Variants in AFG1L observed in about 807,000 individuals in gnomAD.
AFG1L encodes AFG1 like ATPase.
In AFG1L, 53 loss-of-function variants were observed where a neutral mutation model predicts 62.2. The observed-to-expected ratio is 0.85, with a 90% CI of 0.68 to 1.07. AFG1L has a LOEUF of 1.07. AFG1L is among the 50% of genes least tolerant of loss of function. AFG1L has a pLI of 0.00. For missense variants in AFG1L, 555 were observed against 590.5 expected (o/e 0.94, Z 0.62); for synonymous variants, 228 against 210.3 (o/e 1.08, Z -0.73).
chr6:108,439,373 G>A (rs1328316886), intron 7 of AFG1L, among the ~76,000 whole-genome samples: 4 of 152,176 alleles, frequency 2.6e-5, no homozygotes, highest in African/African-American at 9.6e-5. Context: ...GAGGGGACTT[G>A]TTAAACCATA....
intron 10 of AFG1L, among the ~76,000 whole-genome samples, chr6:108,484,850 T>C (rs1773462314): frequency 6.6e-6 from 1 of 152,234 alleles, no homozygotes; most frequent in South Asian, 2.1e-4. Context: ...GAGATTGGAC[T>C]GAGGGATCCA....
chr6:108,445,964 C>G (rs1362113684), intron 7 of AFG1L, among the ~76,000 whole-genome samples: 1 of 151,816 alleles, frequency 6.6e-6, no homozygotes, highest in African/African-American at 2.4e-5. Flanking sequence ...TTGCCACAAA[C>G]TTTCACTTTG....
At chr6:108,364,133 A>C (rs955774083) in intron 5 of AFG1L, among the ~76,000 whole-genome samples, 1 of 152,198 alleles carries the variant, frequency 6.6e-6, no homozygotes, top group African/African-American at 2.4e-5. Context: ...GGTGGTAATG[A>C]AATGCTGGGT....
chr6:108,447,127 A>C (rs1292852219), intron 7 of AFG1L, 87 bp from the exon 8 acceptor site: 5 of 555,016 alleles, frequency 9.0e-6, no homozygotes, highest in Non-Finnish European at 1.6e-5. Flanking sequence ...ACATTTGAAA[A>C]ATTTTAAAAA....
intron 7 of AFG1L, among the ~76,000 whole-genome samples, chr6:108,414,050 G>A (rs1782240077): frequency 6.6e-6 from 1 of 152,038 alleles, no homozygotes; most frequent in African/African-American, 2.4e-5. Context: ...AGAAAAGAGA[G>A]AAGAATCAAA....
At chr6:108,510,701 A>G (rs113782296) in intron 11 of AFG1L, among the ~76,000 whole-genome samples, 4,286 of 152,334 alleles carry the variant, frequency 0.028, 92 homozygotes, top group Middle Eastern at 0.088. Flanking sequence ...CGCTTCATCT[A>G]TCACGTTCTA....
In AFG1L at chr6:108,399,174, GTTTGTTTTTTTT is replaced by G. The variant is rs1371475722; in HGVS notation, c.749-2818_749-2807del. On this transcript the variant is annotated intron_variant, in intron 6 of 12. Transcript: ENST00000368977. ...ATTGCAAAGATCTGTCACTTCTTTT[GTTTGTTTTTTTT>G]TTTTTTTTTTTTTTTTTTTTGAGAC... Among the ~76,000 whole-genome samples the G allele has an allele frequency of 1.0e-3, 52 of 51,414 alleles. 1 individual carries two copies. Among genetic ancestry groups the G allele is most frequent in the African/African-American group, 4.3e-3 (51 of 11,950 alleles). 33.7% of individuals were successfully genotyped at this position (51,414 alleles called of 152,430 possible).
At chr6:108,517,710 A>G (rs1774958531) in intron 11 of AFG1L, among the ~76,000 whole-genome samples, 1 of 152,212 alleles carries the variant, frequency 6.6e-6, no homozygotes, top group Non-Finnish European at 1.5e-5. Flanking sequence ...ATCAGAGTGA[A>G]CAGGCAGCCT....
At chr6:108,509,258 C>G (rs562282275) in intron 10 of AFG1L, among the ~76,000 whole-genome samples, 2 of 152,256 alleles carry the variant, frequency 1.3e-5, no homozygotes, top group East Asian at 1.9e-4. Flanking sequence ...TATTGTGGAC[C>G]TTGAGTCCCA....
At chr6:108,481,822 A>G (rs1158133073) in intron 10 of AFG1L, among the ~76,000 whole-genome samples, 6 of 152,198 alleles carry the variant, frequency 3.9e-5, no homozygotes, top group Non-Finnish European at 7.4e-5. Flanking sequence ...ACTAGCCACT[A>G]TTTTCACAGA....
intron 5 of AFG1L, among the ~76,000 whole-genome samples, chr6:108,363,706 G>GA (rs886442696): frequency 7.5e-4 from 101 of 134,804 alleles, no homozygotes; most frequent in South Asian, 1.6e-3. Flanking sequence ...TATGGGTCCA[G>GA]AAAAAAAAAA....
chr6:108,329,960 A>G (rs1364897144), intron 2 of AFG1L, among the ~76,000 whole-genome samples: 1 of 152,026 alleles, frequency 6.6e-6, no homozygotes, highest in Admixed American at 6.6e-5. Context: ...TCGTGGAGTA[A>G]TGGGTTAATG....
chr6:108,358,337 T>C (rs78758781), intron 5 of AFG1L, among the ~76,000 whole-genome samples: 4,258 of 152,312 alleles, frequency 0.028, 198 homozygotes, highest in African/African-American at 0.098. Flanking sequence ...ACCTAGCCTT[T>C]GTAAAATGAT....
At chr6:108,492,810 A>T (rs949675887) in intron 10 of AFG1L, among the ~76,000 whole-genome samples, 2 of 152,054 alleles carry the variant, frequency 1.3e-5, no homozygotes, top group African/African-American at 2.4e-5. Flanking sequence ...GTTACAATAA[A>T]TTTTTTCTTT....
chr6:108,438,061 G>T (rs1771387777), intron 7 of AFG1L, among the ~76,000 whole-genome samples: 1 of 152,190 alleles, frequency 6.6e-6, no homozygotes. Context: ...TGTGCTTTTA[G>T]CTTCTGTCCT....
chr6:108,353,977 A>G (rs914561282), intron 3 of AFG1L, among the ~76,000 whole-genome samples: 1 of 152,150 alleles, frequency 6.6e-6, no homozygotes, highest in African/African-American at 2.4e-5. Context: ...AGATCTTCCT[A>G]CTTTCTGAAG....
chr6:108,509,347 T>C (rs187452094), intron 10 of AFG1L, among the ~76,000 whole-genome samples: 10 of 152,358 alleles, frequency 6.6e-5, no homozygotes. Flanking sequence ...ATTTAAGCCC[T>C]TCAGTATTTC....
chr6:108,410,038 G>C (rs1454871118), intron 7 of AFG1L, among the ~76,000 whole-genome samples: 1 of 152,130 alleles, frequency 6.6e-6, no homozygotes, highest in Non-Finnish European at 1.5e-5. Context: ...GGGCGCAGTG[G>C]CTCACACCTG....
chr6:108,492,746 A>G (rs1195767315), intron 10 of AFG1L, among the ~76,000 whole-genome samples: 1 of 148,774 alleles, frequency 6.7e-6, no homozygotes, highest in Non-Finnish European at 1.5e-5. Flanking sequence ...TTTTTTTTGT[A>G]TCTACTGGAT....
Sources: allele counts gnomAD v4.1 joint callset (sites outside exome capture counted in the v4.1 genomes callset), GRCh38; gene constraint gnomAD v4.1.1; transcripts MANE v1.5; gene names NCBI Gene and HGNC (gene_info 2026-07-23, HGNC 2026-07-21).